The following SYT1 variants were observed in gnomAD, a reference collection of about 807,000 sequenced individuals.
The protein encoded by SYT1 is synaptotagmin 1.
In SYT1, 8 loss-of-function variants were observed where a neutral mutation model predicts 44.8. The observed-to-expected ratio is 0.18, with a 90% CI of 0.10 to 0.32. SYT1 has a LOEUF of 0.32. SYT1 is among the 10% of genes least tolerant of loss of function. The pLI, the probability that SYT1 is intolerant of heterozygous loss-of-function variation, is 1.00. For missense variants in SYT1, 286 were observed against 509.3 expected (o/e 0.56, Z 4.22); for synonymous variants, 154 against 188.8 (o/e 0.82, Z 1.51).
At chr12:79,446,034 T>TATATATGTATATATATATA (rs1491131045) in intron 10 of SYT1, among the ~76,000 whole-genome samples, 1 of 115,542 alleles carries the variant, frequency 8.7e-6, no homozygotes, top group Non-Finnish European at 1.8e-5. Context: ...TATATATATA[T>TATATATGTATATATATATA]TATGCCTAGG....
intron 3 of SYT1, among the ~76,000 whole-genome samples, chr12:79,113,040 G>A (rs1296836796): frequency 6.6e-6 from 1 of 152,112 alleles, no homozygotes; most frequent in Non-Finnish European, 1.5e-5. Flanking sequence ...CACTGCAACT[G>A]AATGAACAAG....
At chr12:79,152,057 G>C (rs575414172) in intron 3 of SYT1, among the ~76,000 whole-genome samples, 3 of 152,126 alleles carry the variant, frequency 2.0e-5, no homozygotes, top group Non-Finnish European at 4.4e-5. Flanking sequence ...GATGTCACAG[G>C]AGAAGTGAGA....
chr12:79,269,652 A>G (rs982997118), intron 4 of SYT1, among the ~76,000 whole-genome samples: 4 of 152,120 alleles, frequency 2.6e-5, no homozygotes, highest in African/African-American at 9.7e-5. Context: ...GGAGAACAAT[A>G]ATCTGCACTC....
intron 1 of SYT1, among the ~76,000 whole-genome samples, chr12:78,900,632 G>C (rs1445868491): frequency 1.3e-5 from 2 of 152,058 alleles, no homozygotes; most frequent in African/African-American, 4.8e-5. Flanking sequence ...TGGAGAACTG[G>C]AGGAAGGAAG....
intron 9 of SYT1, among the ~76,000 whole-genome samples, chr12:79,422,478 G>T (rs548016690): frequency 2.5e-4 from 38 of 151,242 alleles, no homozygotes; most frequent in African/African-American, 7.5e-4. Flanking sequence ...TCTAGTATAG[G>T]TGACTTATTG....
intron 9 of SYT1, among the ~76,000 whole-genome samples, chr12:79,430,662 C>T (rs866480715): frequency 1.3e-5 from 2 of 152,294 alleles, no homozygotes; most frequent in Middle Eastern, 6.8e-3. Flanking sequence ...TGGTGTGCAC[C>T]TGTAGTCCCA....
At chr12:79,172,969 CAAAA>C (rs200575966) in intron 3 of SYT1, among the ~76,000 whole-genome samples, 43 of 15,672 alleles carry the variant, frequency 2.7e-3, no homozygotes, top group African/African-American at 3.7e-3. Flanking sequence ...TTCCTGCTCT[CAAAA>C]AAAAAAAAAA....
intron 4 of SYT1, among the ~76,000 whole-genome samples, chr12:79,275,880 G>A (rs1378775098): frequency 1.3e-5 from 2 of 152,110 alleles, no homozygotes; most frequent in African/African-American, 4.8e-5. Context: ...TAGCCCCACA[G>A]GAGACAGTAA....
In SYT1 at chr12:79,443,203, C is replaced by T. The variant is rs766653396; in HGVS notation, c.929-870C>T. ...GTGTACCGGTCTCTTCTCTTTTCCT[C>T]GAACACTTGAAGTTCTTCTCCACCT... On this transcript the variant is annotated intron_variant, in intron 9 of 10. Transcript: ENST00000261205. 2.6e-5 allele frequency among the ~76,000 whole-genome samples: 4 copies of T among 152,124 alleles called. No homozygotes were observed. In the South Asian group the frequency reaches 8.3e-4, roughly 32 times the overall value.
intron 3 of SYT1, among the ~76,000 whole-genome samples, chr12:79,097,585 A>G (rs1270044658): frequency 1.3e-5 from 2 of 151,860 alleles, no homozygotes; most frequent in East Asian, 3.9e-4. Context: ...ATACTGTGTA[A>G]TCTTTGAAAG....
At chr12:79,266,176 C>A (rs1878116726) in intron 4 of SYT1, among the ~76,000 whole-genome samples, 1 of 152,114 alleles carries the variant, frequency 6.6e-6, no homozygotes, top group African/African-American at 2.4e-5. Context: ...ACTTAACTGA[C>A]ATTTCATGGA....
intron 2 of SYT1, among the ~76,000 whole-genome samples, chr12:79,024,827 A>C (rs1206599066): frequency 6.6e-6 from 1 of 151,816 alleles, no homozygotes; most frequent in Non-Finnish European, 1.5e-5. Flanking sequence ...CGCTAAATAA[A>C]ATTTTGATCT....
At chr12:79,361,594 G>A (rs1883317599) in intron 9 of SYT1, among the ~76,000 whole-genome samples, 1 of 152,180 alleles carries the variant, frequency 6.6e-6, no homozygotes, top group Non-Finnish European at 1.5e-5. Flanking sequence ...TACTTAGACA[G>A]CAAAGGTGAG....
At chr12:79,207,320 G>A (rs1449925630) in intron 3 of SYT1, among the ~76,000 whole-genome samples, 1 of 152,160 alleles carries the variant, frequency 6.6e-6, no homozygotes, top group African/African-American at 2.4e-5. Flanking sequence ...TTAGGATCAA[G>A]GGTTAGATCC....
chr12:78,951,401 TA>T (rs1878960844), intron 1 of SYT1, among the ~76,000 whole-genome samples: 1 of 152,214 alleles, frequency 6.6e-6, no homozygotes, highest in African/African-American at 2.4e-5. Context: ...GTTACCAATA[TA>T]GTAGGTAGGA....
chr12:79,415,315 A>C (rs1033767644), intron 9 of SYT1, among the ~76,000 whole-genome samples: 1 of 152,060 alleles, frequency 6.6e-6, no homozygotes, highest in Admixed American at 6.6e-5. Context: ...TTATCACACT[A>C]TTTTACTTTT....
chr12:79,183,278 G>A (rs1402172268), intron 3 of SYT1, among the ~76,000 whole-genome samples: 1 of 151,936 alleles, frequency 6.6e-6, no homozygotes, highest in Non-Finnish European at 1.5e-5. Flanking sequence ...TGCATAGGAT[G>A]TACCAGCTTT....
chr12:79,007,374 G>A (rs1265705544), intron 2 of SYT1, among the ~76,000 whole-genome samples: 1 of 152,086 alleles, frequency 6.6e-6, no homozygotes, highest in Non-Finnish European at 1.5e-5. Context: ...TAGTCATTGA[G>A]CACATGGAAA....
At chr12:79,253,716 C>T (rs1273594265) in intron 4 of SYT1, among the ~76,000 whole-genome samples, 1 of 152,094 alleles carries the variant, frequency 6.6e-6, no homozygotes, top group East Asian at 1.9e-4. Context: ...GAAAGCTAGT[C>T]ATCTCGCACA....
Sources: allele counts gnomAD v4.1 joint callset (sites outside exome capture counted in the v4.1 genomes callset), GRCh38; gene constraint gnomAD v4.1.1; transcripts MANE v1.5; gene names NCBI Gene and HGNC (gene_info 2026-07-23, HGNC 2026-07-21).